Variants in TPCN2 observed in about 807,000 individuals in gnomAD.
TPCN2 encodes the protein two pore channel protein 2.
Under a neutral mutation model 111.4 loss-of-function variants are expected in TPCN2, and 92 were observed. The ratio of observed to expected loss-of-function variants is 0.83; its 90% CI spans 0.70 to 0.98. TPCN2 has a LOEUF of 0.98. Ranked by LOEUF, TPCN2 falls within the 50% of genes least tolerant of loss-of-function variation. The pLI, the probability that TPCN2 is intolerant of heterozygous loss-of-function variation, is 0.00. For missense variants in TPCN2, 995 were observed against 980.1 expected (o/e 1.02, Z -0.20); for synonymous variants, 405 against 414.5 (o/e 0.98, Z 0.28).
intron 1 of TPCN2, 83 bp from the exon 2 acceptor site, chr11:69,053,950 C>T (rs1854630003): frequency 8.2e-7 from 1 of 1,220,614 alleles, no homozygotes; most frequent in Admixed American, 1.8e-5. Flanking sequence ...CCACAGCCGG[C>T]ATCTTTCCTT....
intron 23 of TPCN2, among the ~76,000 whole-genome samples, 182 bp downstream of exon 23, chr11:69,086,786 C>CTGGGGCCTTGGGGAGTGCTCCTGA (rs1856293783): frequency 6.6e-6 from 1 of 152,158 alleles, no homozygotes. Context: ...GCCCTGGCTG[C>CTGGGGCCTTGGGGAGTGCTCCTGA]TGGGGCCTTG....
rs59283715 is a variant in TPCN2, at chr11:69,075,302, A to G, written c.1230+2301A>G. Among the ~76,000 whole-genome samples, 39 of 152,334 alleles carry G rather than the reference A, an allele frequency of 2.6e-4. No homozygotes were observed. The East Asian group carries it at 5.6e-3, about 22-fold the overall frequency. ...CTGCAGGGATTGGTTCTAGGACTCC[A>G]TGTGGATACAAAATCCATGGATGTT... On this transcript the variant is annotated intron_variant, in intron 13 of 24. Coordinates refer to ENST00000294309, the MANE Select transcript of TPCN2 (RefSeq NM_139075.4).
At chr11:69,084,450 C>G (rs529046622) in intron 19 of TPCN2, among the ~76,000 whole-genome samples, 1 of 152,346 alleles carries the variant, frequency 6.6e-6, no homozygotes, top group East Asian at 1.9e-4. Context: ...GGACTCACAG[C>G]CACATTTGCT....
Position 69,049,818 on chromosome 11 carries a change from C to T in TPCN2, c.109+712C>T, listed in dbSNP as rs545416080. Reference sequence around the variant, plus strand: ...CCGCCCCCCGAGGGTGGGGTGCGTCCGCCCCTCGCTGACACCAGGGGAATG... The same window carrying T: ...CCGCCCCCCGAGGGTGGGGTGCGTCTGCCCCTCGCTGACACCAGGGGAATG... On this transcript the variant is annotated intron_variant, in intron 1 of 24. Coordinates refer to ENST00000294309, the MANE Select transcript of TPCN2 (RefSeq NM_139075.4). Among the ~76,000 whole-genome samples the T allele has an allele frequency of 4.7e-4, 71 of 152,272 alleles. 2 individuals are homozygous for T. The East Asian group carries it at 6.2e-3, about 13-fold the overall frequency.
intron 6 of TPCN2, among the ~76,000 whole-genome samples, 183 bp downstream of exon 6, chr11:69,063,173 T>C (rs1855100053): frequency 1.3e-5 from 2 of 151,558 alleles, no homozygotes; most frequent in Admixed American, 1.3e-4. Context: ...GTTCCAGCAG[T>C]TCCCCAGAAG....
chr11:69,058,905 T>C (rs1274124430), intron 5 of TPCN2, among the ~76,000 whole-genome samples: 1 of 152,352 alleles, frequency 6.6e-6, no homozygotes, highest in Admixed American at 6.5e-5. Flanking sequence ...ACAGGCTAAA[T>C]TGTAAGCCAC....
At chr11:69,080,889 A>G (rs931451994) in intron 17 of TPCN2, among the ~76,000 whole-genome samples, 3 of 152,172 alleles carry the variant, frequency 2.0e-5, no homozygotes, top group Middle Eastern at 3.2e-3. Context: ...CAGAAATGAA[A>G]GCATGGAAAG....
At chr11:69,062,810 G>A in intron 5 of TPCN2, 74 bp from the exon 6 acceptor site, 1 of 1,406,680 alleles carries the variant, frequency 7.1e-7, no homozygotes. Flanking sequence ...TGAACCGTGT[G>A]CCCATCTGGG....
At chr11:69,086,642 G>A (rs372095949) in intron 23 of TPCN2, 38 bp downstream of exon 23, 519 of 1,595,362 alleles carry the variant, frequency 3.3e-4, no homozygotes, top group Non-Finnish European at 4.2e-4. Flanking sequence ...CTCCATGGTC[G>A]TTTGTTTCTA....
intron 1 of TPCN2, 77 bp from the exon 2 acceptor site, chr11:69,053,956 T>C (rs1335535433): frequency 3.9e-6 from 5 of 1,297,950 alleles, no homozygotes; most frequent in East Asian, 2.4e-5. Flanking sequence ...CCGGCATCTT[T>C]CCTTGATCAC....
chr11:69,063,045 G>A (rs746559756), intron 6 of TPCN2, 55 bp downstream of exon 6: 41 of 1,511,628 alleles, frequency 2.7e-5, no homozygotes, highest in African/African-American at 4.1e-5. Flanking sequence ...TCTCTGCCCC[G>A]GGCCACGTGG....
chr11:69,089,339 G>C lies in TPCN2; in HGVS notation c.*1386G>C, dbSNP rs1365903735. On this transcript the variant is annotated 3_prime_UTR_variant, in exon 25 of 25. Coordinates refer to ENST00000294309, the MANE Select transcript of TPCN2 (RefSeq NM_139075.4). ...AGAGAAGCTTCCTTCTGAGTCACTT[G>C]AGTGGTTGCCGTTCTGGCCCTGCAC... 2 of 152,286 alleles carry C rather than the reference G, an allele frequency of 1.3e-5. No homozygotes were observed. The highest frequency in any genetic ancestry group is 4.8e-5 in the African/African-American group (2 of 41,478). The allele number at this position is 152,286 out of a possible 1,614,324, so 9.4% of individuals were successfully genotyped here.
In TPCN2 at chr11:69,090,149, G is replaced by T. The variant is rs1016520375; in HGVS notation, c.*2196G>T. 4 of 146,438 alleles carry T rather than the reference G, an allele frequency of 2.7e-5. No homozygotes were observed. The highest frequency in any genetic ancestry group is 9.8e-5 in the African/African-American group (4 of 40,616). The allele number at this position is 146,438 out of a possible 1,614,324, so 9.1% of individuals were successfully genotyped here. On this transcript the variant is annotated 3_prime_UTR_variant, in exon 25 of 25. Transcript: ENST00000294309. ...TTGCTGCACCCGGGAGCTCTTAGTG[G>T]ACAGAGCTAGAGGATATGTGCACGT... is the stretch of plus-strand genomic sequence containing the variant.
rs897998859 is a variant in TPCN2, at chr11:69,078,566, A to G, written c.1315A>G (p.Asn439Asp). Residue 439 changes from asparagine to aspartate, a missense_variant, in exon 14 of 25, where the codon AAC becomes GAC. Asn to Asp is a conservative substitution (Grantham distance 23). Transcript: ENST00000294309. ...CCACTACTACTTTGACTACCTGGGG[A>G]ACCTCATCGCCCTGGCAAACCTGGT... is the stretch of plus-strand genomic sequence containing the variant. ...FGHYYFDYLG[N>D]LIALANLVSI... 1.2e-6 allele frequency: 2 copies of G among 1,613,932 alleles called. No homozygotes were observed. Among genetic ancestry groups the G allele is most frequent in the Non-Finnish European group, 1.7e-6 (2 of 1,180,026 alleles).
At chr11:69,074,639 C>T (rs912269618) in intron 13 of TPCN2, among the ~76,000 whole-genome samples, 1 of 152,132 alleles carries the variant, frequency 6.6e-6, no homozygotes, top group Non-Finnish European at 1.5e-5. Context: ...CATGTTTAAC[C>T]CAGACGGACA....
At chr11:69,087,031 T>C (rs1189352517) in intron 23 of TPCN2, 81 bp from the exon 24 acceptor site, 2 of 1,268,784 alleles carry the variant, frequency 1.6e-6, no homozygotes, top group Non-Finnish European at 2.3e-6. Flanking sequence ...GCCCTGTGGC[T>C]GACCCTGGAG....
At chr11:69,084,447 C>T (rs1422036609) in intron 19 of TPCN2, among the ~76,000 whole-genome samples, 2 of 152,222 alleles carry the variant, frequency 1.3e-5, no homozygotes, top group Non-Finnish European at 2.9e-5. Context: ...CAGGGACTCA[C>T]AGCCACATTT....
chr11:69,070,237 C>G (rs547201166), intron 8 of TPCN2, among the ~76,000 whole-genome samples, 193 bp from the exon 9 acceptor site: 2 of 152,128 alleles, frequency 1.3e-5, no homozygotes, highest in East Asian at 3.9e-4. Context: ...GTTGGCCAGG[C>G]TGGTCTCGGA....
chr11:69,054,466 A>C, intron 2 of TPCN2: 1 of 571,144 alleles, frequency 1.8e-6, no homozygotes, highest in Non-Finnish European at 3.1e-6. Flanking sequence ...GCTCTCAGCA[A>C]GTGTTCCCTG....
Sources: gnomAD v4.1 joint callset for allele counts (sites outside exome capture counted in the v4.1 genomes callset) on GRCh38, gnomAD v4.1.1 for gene constraint, MANE v1.5 for transcripts, NCBI Gene and HGNC (gene_info 2026-07-23, HGNC 2026-07-21) for gene names.